COL15A1: variants seen among roughly 807,000 people sequenced by gnomAD.
COL15A1 encodes collagen alpha-1(XV) chain.
COL15A1 carries 111 observed loss-of-function variants against 165.9 expected under a neutral mutation model. That is an observed-to-expected ratio of 0.67 (90% CI 0.57 to 0.78). COL15A1 has a LOEUF of 0.78. Ranked by LOEUF, COL15A1 falls within the 30% of genes least tolerant of loss-of-function variation. The pLI is 0.00. For synonymous variants in COL15A1, 659 were observed against 674.8 expected, an observed-to-expected ratio of 0.98 and a Z score of 0.36; for missense variants, 1,745 against 1,789.7, an observed-to-expected ratio of 0.98 and a Z score of 0.45.
At chr9:99,056,530 C>CTT in intron 35 of COL15A1, 126 bp downstream of exon 35, 2 of 1,186,020 alleles carry the variant, frequency 1.7e-6, no homozygotes, top group Non-Finnish European at 2.2e-6. Flanking sequence ...CGCCTTCTTT[C>CTT]TTTTTTTTTT....
intron 2 of COL15A1, among the ~76,000 whole-genome samples, chr9:98,984,712 T>C (rs1007796560): frequency 1.3e-5 from 2 of 152,222 alleles, no homozygotes; most frequent in African/African-American, 4.8e-5. Context: ...AACACTTCAC[T>C]GTGTCCCTGA....
Position 99,038,649 on chromosome 9 carries a change from C to T in COL15A1, c.2410-19C>T. On this transcript the variant is annotated intron_variant, in intron 21 of 41. Coordinates refer to ENST00000375001, the MANE Select transcript of COL15A1 (RefSeq NM_001855.5). The stretch of plus-strand genomic sequence containing the variant: ...ACATGCCATCCTTTGTCCTCATTGT[C>T]TGATTTTTCTCTTTTCAGTCCTTGA... The T allele has an allele frequency of 7.9e-6, 12 of 1,517,286 alleles. No individual in the cohort carries two copies. The highest frequency in any genetic ancestry group is 1.1e-5 in the Non-Finnish European group (12 of 1,092,054). The allele number at this position is 1,517,286 out of a possible 1,614,324, so 94.0% of individuals were successfully genotyped here.
rs1456862169 is a variant in COL15A1, at chr9:99,020,449, G to A, written c.1701+7G>A. On this transcript the variant is annotated splice_region_variant and intron_variant, in intron 12 of 41. Transcript: ENST00000375001. ...TGGGCCCAAAGGAGAAAAGGTTTGT[G>A]CTGTGACCATCCTGGGGAACACTTT... 1.2e-6 allele frequency: 2 copies of A among 1,602,784 alleles called. No individual in the cohort carries two copies. The highest frequency in any genetic ancestry group is 1.7e-6 in the Non-Finnish European group (2 of 1,169,656).
chr9:99,015,033 T>C (rs1838905076), intron 9 of COL15A1, among the ~76,000 whole-genome samples: 1 of 152,164 alleles, frequency 6.6e-6, no homozygotes, highest in Non-Finnish European at 1.5e-5. Context: ...TATGTAGCTT[T>C]TTTTTATCTT....
At position 99,034,586 on chromosome 9, in the gene COL15A1, T is replaced by TTA; in HGVS notation, c.2079+2_2079+3insTA. 2 of 1,073,434 alleles carry TTA rather than the reference T, an allele frequency of 1.9e-6. No homozygotes were observed. The highest frequency in any genetic ancestry group is 8.1e-5 in the East Asian group (2 of 24,652). The allele number at this position is 1,073,434 out of a possible 1,614,324, so 66.5% of individuals were successfully genotyped here. Reference sequence around the variant, plus strand: ...CCTAATGGCTCAGTTGGTGAAAAGGTAAAAAAAAAAAAAAAAAAAAAAAAA... The same window carrying TTA: ...CCTAATGGCTCAGTTGGTGAAAAGGTTAAAAAAAAAAAAAAAAAAAAAAAAAA... On this transcript the variant is annotated splice_region_variant and intron_variant, in intron 17 of 41. Coordinates refer to ENST00000375001, the MANE Select transcript of COL15A1 (RefSeq NM_001855.5).
chr9:98,948,889 T>C (rs990140131), intron 2 of COL15A1, among the ~76,000 whole-genome samples: 1 of 152,252 alleles, frequency 6.6e-6, no homozygotes, highest in Non-Finnish European at 1.5e-5. Context: ...TTCAGAAAAG[T>C]GCATGCTAAA....
At position 99,069,860 on chromosome 9, in the gene COL15A1, A is replaced by C. The variant is rs1489342310; in HGVS notation, c.4141A>C (p.Ser1381Arg). 1 of 1,613,184 alleles carries C rather than the reference A, an allele frequency of 6.2e-7. No homozygotes were observed. Among genetic ancestry groups the C allele is most frequent in the Non-Finnish European group, 8.5e-7 (1 of 1,179,180 alleles). ...GCTAATTGTCCTATGTATCGAAAAC[A>C]GTTTCATGACAGACGCTAGGAAGTA... ...NRLIVLCIEN[S>R]FMTDARK is the part of the protein sequence containing the mutation. The change falls in exon 42 of 42, where the codon AGT becomes CGT. Residue 1381 changes from serine to arginine, a missense_variant. Coordinates refer to ENST00000375001, the MANE Select transcript of COL15A1 (RefSeq NM_001855.5).
chr9:99,003,710 A>G (rs1838705662), intron 8 of COL15A1, 123 bp downstream of exon 8: 1 of 1,063,832 alleles, frequency 9.4e-7, no homozygotes. Flanking sequence ...TCATGGGGGC[A>G]GTCTGTCGGA....
chr9:99,070,683 T>A lies in COL15A1; in HGVS notation c.*797T>A. 2.3e-6 allele frequency: 1 copy of A among 442,402 alleles called. No individual in the cohort carries two copies. The highest frequency in any genetic ancestry group is 4.5e-6 in the Non-Finnish European group (1 of 221,822). 27.4% of individuals were successfully genotyped at this position (442,402 alleles called of 1,614,324 possible). A position where few individuals can be genotyped will look rare whatever the true frequency, so the allele number is the denominator to read the frequency against. ...ATAACTGCGACTGAAACAAACAGGT[T>A]CATAGAGATGAATTTTCTGAGAAAC... On this transcript the variant is annotated 3_prime_UTR_variant, in exon 42 of 42. Coordinates refer to ENST00000375001, the MANE Select transcript of COL15A1 (RefSeq NM_001855.5).
At chr9:99,062,543 G>A (rs1455885001) in intron 38 of COL15A1, among the ~76,000 whole-genome samples, 1 of 152,190 alleles carries the variant, frequency 6.6e-6, no homozygotes, top group Non-Finnish European at 1.5e-5. Flanking sequence ...AATCTTCTTG[G>A]GCAGAGGGCT....
chr9:98,949,110 TTC>T (rs1837636167), intron 2 of COL15A1, among the ~76,000 whole-genome samples: 1 of 152,212 alleles, frequency 6.6e-6, no homozygotes, highest in South Asian at 2.1e-4. Flanking sequence ...AATTCTGAAG[TTC>T]TGTTTTACTC....
intron 9 of COL15A1, among the ~76,000 whole-genome samples, chr9:99,006,671 C>G (rs1362303950): frequency 6.6e-6 from 1 of 152,198 alleles, no homozygotes; most frequent in African/African-American, 2.4e-5. Flanking sequence ...TCCTCTTCTT[C>G]TCCACCTCCC....
chr9:99,018,556 G>A (rs1838973810), intron 11 of COL15A1, among the ~76,000 whole-genome samples: 3 of 152,180 alleles, frequency 2.0e-5, no homozygotes, highest in Admixed American at 6.5e-5. Context: ...TTAAAAAAAG[G>A]CTTTGTTTAC....
At chr9:98,996,261 A>G (rs980385023) in intron 5 of COL15A1, among the ~76,000 whole-genome samples, 12 of 152,184 alleles carry the variant, frequency 7.9e-5, no homozygotes, top group Non-Finnish European at 1.6e-4. Flanking sequence ...TTAGAAAGTG[A>G]TGAGGCTATC....
intron 2 of COL15A1, among the ~76,000 whole-genome samples, chr9:98,954,771 T>G (rs562738050): frequency 3.3e-5 from 5 of 152,214 alleles, no homozygotes; most frequent in Non-Finnish European, 7.3e-5. Flanking sequence ...CAACAGCATA[T>G]GAGAACGCCA....
chr9:99,009,728 T>G (rs1209368014), intron 9 of COL15A1, among the ~76,000 whole-genome samples: 1 of 152,222 alleles, frequency 6.6e-6, no homozygotes, highest in Non-Finnish European at 1.5e-5. Flanking sequence ...TTGAAGAGAT[T>G]GATTTCTCAA....
chr9:99,038,732 C>T lies in COL15A1; in HGVS notation c.2474C>T (p.Pro825Leu), dbSNP rs1314696960. The change falls in exon 22 of 42, where the codon CCG becomes CTG. Residue 825 changes from proline to leucine, a missense_variant and splice_region_variant. Pro to Leu is a moderately conservative substitution (Grantham distance 98). Transcript: ENST00000375001. ...GACATTCCTGAGCTGGTGGGGCCTC[C>T]GGTTGGTATCTACAGCTGCCCCAGA... is the stretch of plus-strand genomic sequence containing the variant. ...FSDIPELVGP[P>L]GPDGLPGLPG... 1.2e-5 allele frequency: 19 copies of T among 1,594,948 alleles called. No individual in the cohort carries two copies. Among genetic ancestry groups the T allele is most frequent in the Admixed American group, 8.3e-5 (5 of 59,930 alleles).
chr9:98,963,295 C>G (rs1224273100), intron 2 of COL15A1, among the ~76,000 whole-genome samples: 1 of 152,182 alleles, frequency 6.6e-6, no homozygotes, highest in Non-Finnish European at 1.5e-5. Context: ...AAACACCTTA[C>G]TCCCATCAGA....
chr9:99,064,134 A>T, intron 39 of COL15A1, among the ~76,000 whole-genome samples: 1 of 152,110 alleles, frequency 6.6e-6, no homozygotes, highest in Middle Eastern at 3.2e-3. Context: ...TATATAGGTG[A>T]CATGAGCTTG....
Sources: gnomAD v4.1 joint callset for allele counts (sites outside exome capture counted in the v4.1 genomes callset) on GRCh38, gnomAD v4.1.1 for gene constraint, MANE v1.5 for transcripts, NCBI Gene and HGNC (gene_info 2026-07-23, HGNC 2026-07-21) for gene names.